Variants in SCML2 observed in about 807,000 individuals in gnomAD.
SCML2 encodes Scm polycomb group protein like 2, also known as sex comb on midleg-like protein 2.
SCML2 carries 6 observed loss-of-function variants against 48.4 expected under a neutral mutation model. The observed-to-expected ratio is 0.12, with a 90% CI of 0.07 to 0.24. SCML2 has a LOEUF of 0.24. Among genes scored for constraint, SCML2 ranks in the 10% least tolerant of loss-of-function variants. The pLI, the probability that SCML2 is intolerant of heterozygous loss-of-function variation, is 1.00. For synonymous variants in SCML2, 181 were observed against 189.5 expected, an observed-to-expected ratio of 0.95 and a Z score of 0.37; for missense variants, 377 against 528.2, an observed-to-expected ratio of 0.71 and a Z score of 2.81.
chrX:18,315,447 C>T (rs1412129978), intron 6 of SCML2, among the ~76,000 whole-genome samples: 2 of 111,524 alleles, frequency 1.8e-5, no homozygotes, highest in African/African-American at 3.3e-5. Flanking sequence ...ATAAGATACA[C>T]ATTTCTAGCG....
chrX:18,243,156 G>A (rs1040221638), intron 13 of SCML2, among the ~76,000 whole-genome samples: 15 of 111,168 alleles, frequency 1.3e-4, no homozygotes, highest in South Asian at 3.8e-4. Context: ...TCACTGCAGC[G>A]CTGACCTCCC....
intron 1 of SCML2, among the ~76,000 whole-genome samples, chrX:18,336,909 G>C (rs1349370955): frequency 1.8e-5 from 2 of 111,124 alleles, no homozygotes; most frequent in East Asian, 5.6e-4. Flanking sequence ...ATATTAAATG[G>C]TCAACTAAAA....
intron 1 of SCML2, among the ~76,000 whole-genome samples, chrX:18,342,425 A>C (rs1158465965): frequency 8.9e-6 from 1 of 111,775 alleles, no homozygotes; most frequent in Non-Finnish European, 1.9e-5. Flanking sequence ...AAAAGACTAC[A>C]GTTGGGCCGG....
intron 7 of SCML2, among the ~76,000 whole-genome samples, chrX:18,282,594 C>T (rs1927904344): frequency 9.0e-6 from 1 of 111,492 alleles, no homozygotes; most frequent in South Asian, 3.8e-4. Context: ...GCCAAGATCA[C>T]GCCATTGCAC....
intron 7 of SCML2, among the ~76,000 whole-genome samples, chrX:18,289,467 A>T (rs753099670): frequency 8.9e-6 from 1 of 112,131 alleles, no homozygotes; most frequent in East Asian, 2.8e-4. Flanking sequence ...ACCAAACAAG[A>T]GTACTGAATA....
chrX:18,323,423 A>G (rs1324929184), intron 5 of SCML2, among the ~76,000 whole-genome samples: 1 of 111,915 alleles, frequency 8.9e-6, no homozygotes, highest in Non-Finnish European at 1.9e-5. Context: ...TGAGTTTGAA[A>G]CTGGAACCTG....
intron 2 of SCML2, 70 bp downstream of exon 2, chrX:18,333,980 A>C: frequency 1.0e-6 from 1 of 968,074 alleles, no homozygotes; most frequent in South Asian, 2.5e-5. Context: ...TCAAAAGTTC[A>C]GTATACCAGA....
At chrX:18,306,084 A>T (rs114032599) in intron 6 of SCML2, among the ~76,000 whole-genome samples, 4,130 of 111,137 alleles carry the variant, frequency 0.037, 207 homozygotes, top group African/African-American at 0.13. Context: ...AAAAGAATTT[A>T]AAAAAAAGTA....
At chrX:18,350,152 C>T (rs112619757) in intron 1 of SCML2, among the ~76,000 whole-genome samples, 595 of 109,914 alleles carry the variant, frequency 5.4e-3, no homozygotes, top group Non-Finnish European at 9.8e-3. Context: ...TGGTGATGCA[C>T]GCCTGTAATC....
chrX:18,277,238 C>CT (rs1385271323), intron 7 of SCML2, among the ~76,000 whole-genome samples: 6 of 110,745 alleles, frequency 5.4e-5, no homozygotes, highest in Non-Finnish European at 1.1e-4. Flanking sequence ...ACCCAGCTAA[C>CT]TTTTTTATTT....
At chrX:18,311,652 A>G (rs1928952001) in intron 6 of SCML2, among the ~76,000 whole-genome samples, 1 of 112,247 alleles carries the variant, frequency 8.9e-6, no homozygotes, top group Non-Finnish European at 1.9e-5. Flanking sequence ...GAGGTCAGAC[A>G]GATAATGAGG....
intron 6 of SCML2, among the ~76,000 whole-genome samples, chrX:18,315,878 C>T (rs185911435): frequency 1.7e-4 from 19 of 110,572 alleles, no homozygotes; most frequent in Admixed American, 2.9e-4. Flanking sequence ...CCTTGTCATT[C>T]GTTCCCAAAT....
At chrX:18,331,321 T>C (rs975210495) in intron 2 of SCML2, among the ~76,000 whole-genome samples, 34 of 95,048 alleles carry the variant, frequency 3.6e-4, no homozygotes, top group African/African-American at 1.4e-3. Flanking sequence ...AATGAGCTGA[T>C]CTTTACAATG....
At chrX:18,340,952 C>T (rs1456879017) in intron 1 of SCML2, among the ~76,000 whole-genome samples, 1 of 111,593 alleles carries the variant, frequency 9.0e-6, no homozygotes, top group Non-Finnish European at 1.9e-5. Flanking sequence ...TGTTTGATCA[C>T]CAAAACTTTT....
At chrX:18,339,430 C>T (rs1199050379) in intron 1 of SCML2, among the ~76,000 whole-genome samples, 1 of 111,880 alleles carries the variant, frequency 8.9e-6, no homozygotes, top group African/African-American at 3.3e-5. Context: ...GCTTTTGGGC[C>T]GGGCACCATG....
chrX:18,294,420 C>T (rs913439576), intron 7 of SCML2, among the ~76,000 whole-genome samples: 10 of 110,894 alleles, frequency 9.0e-5, no homozygotes, highest in Non-Finnish European at 1.7e-4. Context: ...AATATTCCCA[C>T]CATGGACTCC....
chrX:18,354,756 C>A (rs941003356), upstream of SCML2: 4 of 193,807 alleles, frequency 2.1e-5, no homozygotes, highest in Non-Finnish European at 9.6e-6. Flanking sequence ...GCCCGCGTGC[C>A]CTGCGGTTGC....
intron 6 of SCML2, among the ~76,000 whole-genome samples, chrX:18,319,611 A>C (rs1054078751): frequency 9.2e-5 from 10 of 108,876 alleles, no homozygotes; most frequent in South Asian, 4.0e-4. Flanking sequence ...AAAAAAACAA[A>C]AAAAAAAAAA....
At chrX:18,311,884 G>A (rs1374997131) in intron 6 of SCML2, among the ~76,000 whole-genome samples, 2 of 111,712 alleles carry the variant, frequency 1.8e-5, no homozygotes, top group Admixed American at 1.9e-4. Context: ...CCTGCTTCCC[G>A]GGTTCAAGCA....
Sources: gnomAD v4.1 joint callset for allele counts (sites outside exome capture counted in the v4.1 genomes callset) on GRCh38, gnomAD v4.1.1 for gene constraint, MANE v1.5 for transcripts, NCBI Gene and HGNC (gene_info 2026-07-23, HGNC 2026-07-21) for gene names.